Variants in ELP4 observed in about 807,000 individuals in gnomAD.
ELP4 encodes elongator acetyltransferase complex subunit 4.
A neutral mutation model predicts 48.9 loss-of-function variants in ELP4; 51 were observed. The ratio of observed to expected loss-of-function variants is 1.04; its 90% confidence interval spans 0.83 to 1.32. The LOEUF is 1.32. ELP4 is among the 40% of genes most tolerant of loss of function. ELP4 has a pLI of 0.00. For missense variants in ELP4, 519 were observed against 514.6 expected, an observed-to-expected ratio of 1.01 and a Z score of -0.08; for synonymous variants, 210 against 189.2, an observed-to-expected ratio of 1.11 and a Z score of -0.90.
chr11:31,521,451 AC>A (rs1483360483), intron 2 of ELP4, among the ~76,000 whole-genome samples: 1 of 151,910 alleles, frequency 6.6e-6, no homozygotes. Context: ...TGATTCCAAA[AC>A]CCATTTTTTT....
intron 1 of ELP4, among the ~76,000 whole-genome samples, chr11:31,515,652 A>G (rs1956097813): frequency 1.3e-5 from 2 of 152,082 alleles, no homozygotes; most frequent in African/African-American, 2.4e-5. Context: ...CAACACAGCG[A>G]CACCCTGTCC....
intron 9 of ELP4, among the ~76,000 whole-genome samples, chr11:31,701,194 A>G (rs76080031): frequency 8.1e-4 from 124 of 152,260 alleles, no homozygotes; most frequent in African/African-American, 2.9e-3. Context: ...CTTCATGCTC[A>G]AGCAGTTTCT....
At position 31,627,345 on chromosome 11, in the gene ELP4, A is replaced by G. The variant is rs539451123; in HGVS notation, c.738+151A>G. The G allele has an allele frequency of 8.9e-5, 47 of 527,982 alleles. No homozygotes were observed. The East Asian group carries it at 1.3e-3, about 15-fold the overall frequency. 32.7% of individuals were successfully genotyped at this position (527,982 alleles called of 1,614,324 possible). A position where few individuals can be genotyped will look rare whatever the true frequency, so the allele number is the denominator to read the frequency against. On this transcript the variant is annotated intron_variant, in intron 6 of 9. Transcript: ENST00000640961. Reference sequence around the variant, plus strand: ...AGAACATGTACATAAGCAGAGCACAAGCAGCCTTAGTTTGACTGTTACTGT... The same window carrying G: ...AGAACATGTACATAAGCAGAGCACAGGCAGCCTTAGTTTGACTGTTACTGT...
At chr11:31,627,389 A>G (rs2134038221) in intron 6 of ELP4, among the ~76,000 whole-genome samples, 195 bp downstream of exon 6, 1 of 152,148 alleles carries the variant, frequency 6.6e-6, no homozygotes, top group South Asian at 2.1e-4. Context: ...AGTTTCAGCT[A>G]AGTTCTCAGT....
At chr11:31,771,835 C>T (rs747284789) in intron 9 of ELP4, among the ~76,000 whole-genome samples, 2 of 152,044 alleles carry the variant, frequency 1.3e-5, no homozygotes, top group Non-Finnish European at 2.9e-5. Context: ...AAAATTTAGC[C>T]GGGCGTGGTG....
intron 1 of ELP4, 28 bp from the exon 2 acceptor site, chr11:31,520,016 AAGGTAAATTAAT>A (rs1424361919): frequency 6.2e-7 from 1 of 1,605,050 alleles, no homozygotes; most frequent in Admixed American, 1.7e-5. Flanking sequence ...GGTAATGGAA[AAGGTAAATTAAT>A]TTTCTTCTGG....
chr11:31,740,874 G>C (rs915006140), intron 9 of ELP4, among the ~76,000 whole-genome samples: 14 of 152,242 alleles, frequency 9.2e-5, no homozygotes, highest in Non-Finnish European at 1.8e-4. Flanking sequence ...TCTCACTGGG[G>C]AGTGCCAGAC....
At chr11:31,701,578 G>A (rs1362870575) in intron 9 of ELP4, among the ~76,000 whole-genome samples, 1 of 151,520 alleles carries the variant, frequency 6.6e-6, no homozygotes, top group African/African-American at 2.4e-5. Context: ...TTTTATAATA[G>A]CTCTGTCTCC....
At chr11:31,749,579 T>C (rs1207343924) in intron 9 of ELP4, among the ~76,000 whole-genome samples, 3 of 152,246 alleles carry the variant, frequency 2.0e-5, no homozygotes, top group Non-Finnish European at 4.4e-5. Context: ...ACATCGATTA[T>C]TTAACTTCTA....
intron 9 of ELP4, among the ~76,000 whole-genome samples, chr11:31,655,634 G>A (rs554495398): frequency 2.6e-5 from 4 of 152,094 alleles, no homozygotes; most frequent in South Asian, 4.1e-4. Context: ...TAAAACCACA[G>A]CAGCTCTCAC....
At chr11:31,518,041 G>T (rs1956147996) in intron 1 of ELP4, among the ~76,000 whole-genome samples, 1 of 152,126 alleles carries the variant, frequency 6.6e-6, no homozygotes, top group Non-Finnish European at 1.5e-5. Context: ...TTTACAAATG[G>T]AGTGAAGAGC....
chr11:31,703,013 G>T (rs1411747131), intron 9 of ELP4, among the ~76,000 whole-genome samples: 1 of 152,158 alleles, frequency 6.6e-6, no homozygotes, highest in Non-Finnish European at 1.5e-5. Context: ...CATTGCAGAT[G>T]AGTTAACACA....
intron 9 of ELP4, among the ~76,000 whole-genome samples, chr11:31,753,825 A>G (rs930948826): frequency 6.6e-6 from 1 of 152,200 alleles, no homozygotes; most frequent in Non-Finnish European, 1.5e-5. Flanking sequence ...ATGTATATAC[A>G]TATATCTAGT....
At chr11:31,743,146 G>C (rs1211544517) in intron 9 of ELP4, among the ~76,000 whole-genome samples, 1 of 151,668 alleles carries the variant, frequency 6.6e-6, no homozygotes, top group Non-Finnish European at 1.5e-5. Flanking sequence ...GACCAAAAGA[G>C]ACAAGACCAT....
At chr11:31,636,272 T>C (rs1423256219) in intron 7 of ELP4, among the ~76,000 whole-genome samples, 1 of 151,934 alleles carries the variant, frequency 6.6e-6, no homozygotes, top group Non-Finnish European at 1.5e-5. Context: ...GTAGAGTGGT[T>C]TCGGGCAGAA....
intron 7 of ELP4, among the ~76,000 whole-genome samples, chr11:31,636,692 A>G (rs1486600865): frequency 6.6e-6 from 1 of 151,948 alleles, no homozygotes; most frequent in Non-Finnish European, 1.5e-5. Flanking sequence ...CTTATTTTTT[A>G]ATTTGCATTT....
chr11:31,640,391 C>A (rs1421829846), intron 7 of ELP4, among the ~76,000 whole-genome samples: 1 of 151,864 alleles, frequency 6.6e-6, no homozygotes, highest in Non-Finnish European at 1.5e-5. Context: ...TTACCGTCAT[C>A]AAATGTGAAT....
intron 5 of ELP4, among the ~76,000 whole-genome samples, chr11:31,614,191 T>C (rs989051391): frequency 6.6e-6 from 1 of 152,198 alleles, no homozygotes. Context: ...TGAATGAATG[T>C]CTTAAATTCT....
chr11:31,567,330 T>G (rs1422903487), intron 3 of ELP4, among the ~76,000 whole-genome samples: 2 of 152,234 alleles, frequency 1.3e-5, no homozygotes, highest in Non-Finnish European at 2.9e-5. Flanking sequence ...CTGTCCTGAT[T>G]TTCTCAGATA....
Sources: gnomAD v4.1 joint callset for allele counts (sites outside exome capture counted in the v4.1 genomes callset) on GRCh38, gnomAD v4.1.1 for gene constraint, MANE v1.5 for transcripts, NCBI Gene and HGNC (gene_info 2026-07-23, HGNC 2026-07-21) for gene names.